DISC1: variants seen among roughly 807,000 people sequenced by gnomAD.
DISC1 encodes the protein DISC1 scaffold protein.
A neutral mutation model predicts 84.5 loss-of-function variants in DISC1; 57 were observed. That is an observed-to-expected ratio of 0.67 (90% confidence interval 0.55 to 0.84). The LOEUF (loss-of-function observed/expected upper bound fraction) is 0.84, where lower values mean the gene tolerates loss of function less well. Among genes scored for constraint, DISC1 ranks in the 40% least tolerant of loss-of-function variants. The pLI is 0.00. For missense variants in DISC1, 1,000 were observed against 1,057.8 expected, an observed-to-expected ratio of 0.95 and a Z score of 0.76; for synonymous variants, 411 against 415.2, an observed-to-expected ratio of 0.99 and a Z score of 0.12.
chr1:231,948,861 A>ATTTTTTTTT, intron 9 of DISC1, among the ~76,000 whole-genome samples: 1 of 94,456 alleles, frequency 1.1e-5, no homozygotes, highest in Non-Finnish European at 2.0e-5. Flanking sequence ...TCCTGTGTTA[A>ATTTTTTTTT]TTTTTTTTTT....
chr1:231,658,629 C>G (rs1217168803), intron 1 of DISC1, among the ~76,000 whole-genome samples: 1 of 152,026 alleles, frequency 6.6e-6, no homozygotes, highest in African/African-American at 2.4e-5. Context: ...ATATATGGCT[C>G]TTATTATTTT....
At chr1:231,789,707 A>C (rs536490646) in intron 6 of DISC1, among the ~76,000 whole-genome samples, 34 of 152,264 alleles carry the variant, frequency 2.2e-4, no homozygotes, top group African/African-American at 7.5e-4. Flanking sequence ...CCCTTGACCA[A>C]GTCTTGGCTT....
intron 9 of DISC1, among the ~76,000 whole-genome samples, chr1:231,846,875 A>G (rs2083485055): frequency 2.6e-5 from 4 of 152,226 alleles, no homozygotes; most frequent in Admixed American, 2.6e-4. Flanking sequence ...ACTAGAGTTT[A>G]GATCACTAGC....
At chr1:231,774,848 A>C in intron 6 of DISC1, 1 of 427,302 alleles carries the variant, frequency 2.3e-6, no homozygotes, top group South Asian at 1.7e-5. Context: ...TAGTATTTTT[A>C]ACTAATTGGA....
chr1:232,009,306 G>T lies in DISC1; in HGVS notation c.2307+257G>T, dbSNP rs569441740. ...CATTCTAATTTAGTGGCTAGAATTAGAATATGCAGTCTAATATAGAATTAC... is the reference window on the plus strand; with the variant it reads ...CATTCTAATTTAGTGGCTAGAATTATAATATGCAGTCTAATATAGAATTAC... On this transcript the variant is annotated intron_variant, in intron 11 of 12. Coordinates refer to ENST00000439617, the MANE Select transcript of DISC1 (RefSeq NM_018662.3). This position sits in a 1 kb window ranked among gnomAD's most constrained non-coding sequence, Gnocchi z 4.6. 330 of 1,268,452 alleles carry T rather than the reference G, an allele frequency of 2.6e-4. 1 individual carries two copies. Among genetic ancestry groups the T allele is most frequent in the South Asian group, 1.4e-3 (82 of 57,126 alleles). 78.6% of individuals were successfully genotyped at this position (1,268,452 alleles called of 1,614,324 possible).
chr1:231,879,294 A>G (rs2356606), intron 9 of DISC1, among the ~76,000 whole-genome samples: 32,974 of 151,608 alleles, frequency 0.22, 3,639 homozygotes, highest in Middle Eastern at 0.3. Flanking sequence ...TGTTGATTCT[A>G]TTTCACCTGA....
chr1:231,673,674 T>C (rs985363151), intron 1 of DISC1, among the ~76,000 whole-genome samples: 1 of 152,212 alleles, frequency 6.6e-6, no homozygotes, highest in Admixed American at 6.5e-5. Context: ...ATTTTCAACT[T>C]GGAAAGATTT....
intron 9 of DISC1, among the ~76,000 whole-genome samples, chr1:231,886,051 A>G (rs989963631): frequency 1.3e-5 from 2 of 152,208 alleles, no homozygotes; most frequent in African/African-American, 4.8e-5. Flanking sequence ...AGAGAGGGCA[A>G]GAGAAAGCAA....
intron 1 of DISC1, among the ~76,000 whole-genome samples, chr1:231,677,892 G>T (rs771605642): frequency 6.6e-6 from 1 of 152,036 alleles, no homozygotes; most frequent in Non-Finnish European, 1.5e-5. Context: ...CAGGAGGATC[G>T]CTTGAACCTG....
At chr1:231,888,580 A>T (rs1214114980) in intron 9 of DISC1, among the ~76,000 whole-genome samples, 7 of 151,778 alleles carry the variant, frequency 4.6e-5, no homozygotes, top group African/African-American at 1.5e-4. Context: ...CTAAAAATAC[A>T]AAAACAAAAT....
chr1:231,803,310 CA>C (rs1323006041), intron 8 of DISC1, among the ~76,000 whole-genome samples: 2 of 152,192 alleles, frequency 1.3e-5, no homozygotes, highest in Non-Finnish European at 2.9e-5. Flanking sequence ...TGAATTCAGA[CA>C]CTGGTATGCA....
chr1:231,754,863 T>G (rs1312086974), intron 4 of DISC1, among the ~76,000 whole-genome samples: 1 of 152,182 alleles, frequency 6.6e-6, no homozygotes, highest in African/African-American at 2.4e-5. Flanking sequence ...AACTGTTGGC[T>G]TACTTTATGA....
rs761205750 is a variant in DISC1 at position 231,800,200 on chromosome 1, T to C, written c.1782T>C (p.His594=). Residue 594 remains histidine (H), a synonymous_variant, in exon 8 of 13, where the codon CAT becomes CAC. Coordinates refer to ENST00000439617, the MANE Select transcript of DISC1 (RefSeq NM_018662.3). ...QLPALLEAKM[H]AISGNHFWTA... is the part of the protein sequence containing the mutation. ...CAGCCTTGCTTGAAGCCAAAATGCA[T>C]GCCATATCAGGTAACTGGCAGTGTA... 1.2e-6 allele frequency: 2 copies of C among 1,611,766 alleles called. No individual in the cohort carries two copies. The highest frequency in any genetic ancestry group is 1.1e-5 in the South Asian group (1 of 91,060).
intron 4 of DISC1, among the ~76,000 whole-genome samples, chr1:231,764,275 A>G (rs116113137): frequency 0.01 from 1,588 of 152,328 alleles, 33 homozygotes; most frequent in African/African-American, 0.036. Context: ...CAAGAGCTAC[A>G]AGACTAATTG....
At chr1:231,737,111 C>G (rs563618074) in intron 3 of DISC1, among the ~76,000 whole-genome samples, 6 of 152,238 alleles carry the variant, frequency 3.9e-5, no homozygotes, top group Admixed American at 3.9e-4. Flanking sequence ...AAATATGTTG[C>G]AGTAGCATAA....
At chr1:231,683,605 G>C (rs995742104) in intron 1 of DISC1, among the ~76,000 whole-genome samples, 5 of 150,906 alleles carry the variant, frequency 3.3e-5, no homozygotes, top group African/African-American at 1.2e-4. Context: ...CACCCCCTCT[G>C]TGACCAACCC....
chr1:231,985,928 C>A (rs1489483242), intron 10 of DISC1, among the ~76,000 whole-genome samples: 1 of 152,130 alleles, frequency 6.6e-6, no homozygotes, highest in African/African-American at 2.4e-5. Flanking sequence ...AAATCTTTCT[C>A]ATAAAATGCG....
intron 3 of DISC1, among the ~76,000 whole-genome samples, chr1:231,738,065 T>C (rs559803862): frequency 6.6e-6 from 1 of 150,566 alleles, no homozygotes; most frequent in South Asian, 2.1e-4. Context: ...CCCAGGCTGG[T>C]CTTGAACTCT....
chr1:231,925,472 T>C (rs2090308447), intron 9 of DISC1, among the ~76,000 whole-genome samples: 1 of 152,126 alleles, frequency 6.6e-6, no homozygotes, highest in Non-Finnish European at 1.5e-5. Context: ...TGTTCACAGG[T>C]CATGAAAGTG....
Sources: allele counts gnomAD v4.1 joint callset (sites outside exome capture counted in the v4.1 genomes callset), GRCh38; gene constraint gnomAD v4.1.1; non-coding constraint Gnocchi (gnomAD v3.1); transcripts MANE v1.5; gene names NCBI Gene and HGNC (gene_info 2026-07-23, HGNC 2026-07-21).